Variants in ITK observed in about 807,000 individuals in gnomAD.
ITK encodes IL2 inducible T cell kinase.
A neutral mutation model predicts 87.6 loss-of-function variants in ITK; 45 were observed. The ratio of observed to expected loss-of-function variants is 0.51; its 90% CI spans 0.40 to 0.66. The LOEUF is 0.66. ITK is among the 30% of genes least tolerant of loss of function. The pLI is 0.00. For missense variants in ITK, 605 were observed against 766.3 expected, an observed-to-expected ratio of 0.79 and a Z score of 2.48; for synonymous variants, 303 against 273.6, an observed-to-expected ratio of 1.11 and a Z score of -1.06.
chr5:157,207,377 C>CTCTT (rs1754101416), intron 1 of ITK, among the ~76,000 whole-genome samples: 2 of 59,126 alleles, frequency 3.4e-5, no homozygotes, highest in African/African-American at 1.3e-4. Flanking sequence ...AGATACGTCT[C>CTCTT]TTTTTTTTTT....
chr5:157,189,703 A>AGAAGAGC (rs949403856), intron 1 of ITK, among the ~76,000 whole-genome samples: 44 of 152,346 alleles, frequency 2.9e-4, no homozygotes, highest in African/African-American at 7.9e-4. Flanking sequence ...AAGGAAAAGA[A>AGAAGAGC]GAAGAGCTCA....
Position 157,253,625 on chromosome 5 carries a change from T to C in ITK, c.*947T>C, listed in dbSNP as rs1010738640. ...CCAGCCTCTGGGAATCAGCCCCCCCTCTCTGCACTATCCGATCCTCATCAA... is the reference window on the plus strand; with the variant it reads ...CCAGCCTCTGGGAATCAGCCCCCCCCCTCTGCACTATCCGATCCTCATCAA... On this transcript the variant is annotated 3_prime_UTR_variant, in exon 17 of 17. Coordinates refer to ENST00000422843, the MANE Select transcript of ITK (RefSeq NM_005546.4). 2 of 227,710 alleles carry C rather than the reference T, an allele frequency of 8.8e-6. No individual in the cohort carries two copies. Among genetic ancestry groups the C allele is most frequent in the Non-Finnish European group, 8.7e-6 (1 of 114,612 alleles). The allele number at this position is 227,710 out of a possible 1,614,324, so 14.1% of individuals were successfully genotyped here.
chr5:157,183,024 C>T (rs1753568602), intron 1 of ITK, among the ~76,000 whole-genome samples: 1 of 152,146 alleles, frequency 6.6e-6, no homozygotes, highest in South Asian at 2.1e-4. Flanking sequence ...GTTTCTAATT[C>T]TTCCATGTGA....
chr5:157,247,382 A>T lies in ITK; in HGVS notation c.1633+1383A>T, dbSNP rs567266622. ...GATGACTCCCCTCTCCCCAGTGTGT[A>T]TAACTAGGAAGGTTGGGGCTGATGT... is the stretch of plus-strand genomic sequence containing the variant. On this transcript the variant is annotated intron_variant, in intron 15 of 16. Coordinates refer to ENST00000422843, the MANE Select transcript of ITK (RefSeq NM_005546.4). 2.0e-5 allele frequency among the ~76,000 whole-genome samples: 3 copies of T among 152,344 alleles called. No homozygotes were observed. In the South Asian group the frequency reaches 6.2e-4, roughly 32 times the overall value.
chr5:157,229,484 A>G (rs1228100429), intron 7 of ITK, among the ~76,000 whole-genome samples: 2 of 152,248 alleles, frequency 1.3e-5, no homozygotes. Context: ...ATTTACTTAT[A>G]AGGATATATT....
At chr5:157,188,337 A>G (rs1753686253) in intron 1 of ITK, among the ~76,000 whole-genome samples, 1 of 152,128 alleles carries the variant, frequency 6.6e-6, no homozygotes, top group Non-Finnish European at 1.5e-5. Flanking sequence ...TATTTAAATA[A>G]ATTCTCAACT....
At chr5:157,187,740 T>C (rs1753674342) in intron 1 of ITK, among the ~76,000 whole-genome samples, 1 of 152,146 alleles carries the variant, frequency 6.6e-6, no homozygotes, top group Non-Finnish European at 1.5e-5. Context: ...TTCTCCTTTT[T>C]CCTCTGCCTG....
In ITK at chr5:157,214,248, G is replaced by A. The variant is rs1754252232; in HGVS notation, c.383G>A (p.Gly128Glu). Residue 128 changes from glycine to glutamate, a missense_variant, in exon 4 of 17, where the codon GGG becomes GAG. Coordinates refer to ENST00000422843, the MANE Select transcript of ITK (RefSeq NM_005546.4). ...TATCATCCTAATTTCTGGATGGATGGGAAGTGGAGGTGCTGTTCTCAGCTG... is the reference window on the plus strand; with the variant it reads ...TATCATCCTAATTTCTGGATGGATGAGAAGTGGAGGTGCTGTTCTCAGCTG... ...PKYHPNFWMD[G>E]KWRCCSQLEK... The A allele has an allele frequency of 6.2e-7, 1 of 1,607,658 alleles. No homozygotes were observed. The highest frequency in any genetic ancestry group is 8.5e-7 in the Non-Finnish European group (1 of 1,174,080).
intron 9 of ITK, among the ~76,000 whole-genome samples, chr5:157,239,375 C>A (rs776706593): frequency 6.6e-6 from 1 of 152,182 alleles, no homozygotes; most frequent in Non-Finnish European, 1.5e-5. Context: ...TGTAACCACA[C>A]GTTAGCAGTC....
At chr5:157,227,822 CTTTTTTT>C (rs34428784) in intron 6 of ITK, among the ~76,000 whole-genome samples, 6 of 84,834 alleles carry the variant, frequency 7.1e-5, no homozygotes, top group East Asian at 2.9e-4. Context: ...TTACCAATTC[CTTTTTTT>C]TTTTTTTTTT....
At chr5:157,208,802 C>T (rs1754128953) in intron 1 of ITK, 87 bp from the exon 2 acceptor site, 1 of 924,252 alleles carries the variant, frequency 1.1e-6, no homozygotes, top group Non-Finnish European at 1.7e-6. Context: ...GCCAATGGAT[C>T]TTATCTAGCA....
intron 1 of ITK, among the ~76,000 whole-genome samples, chr5:157,205,091 T>C (rs757175730): frequency 1.3e-5 from 2 of 152,226 alleles, no homozygotes; most frequent in African/African-American, 2.4e-5. Flanking sequence ...AAGGCTTCCT[T>C]AACTTCTTTA....
intron 10 of ITK, chr5:157,240,608 G>C (rs1315286603): frequency 4.1e-6 from 1 of 243,644 alleles, no homozygotes; most frequent in African/African-American, 2.3e-5. Context: ...TTGGTCCATG[G>C]TTGTATAGGA....
intron 1 of ITK, among the ~76,000 whole-genome samples, chr5:157,202,197 G>T (rs1753989881): frequency 6.6e-6 from 1 of 151,898 alleles, no homozygotes; most frequent in Non-Finnish European, 1.5e-5. Context: ...CATGGTGTAT[G>T]TTTACCACAT....
At position 157,254,722 on chromosome 5, in the gene ITK, A is replaced by T. The variant is rs1755216615; in HGVS notation, c.*2044A>T. On this transcript the variant is annotated 3_prime_UTR_variant, in exon 17 of 17. Transcript: ENST00000422843. ...CTTTTGGGATCCTTAATTAGAGATG[A>T]TTTCTGGAACATTCAGTCTAGAAAG... The T allele has an allele frequency of 4.6e-6, 1 of 218,780 alleles. No individual in the cohort carries two copies. Among genetic ancestry groups the T allele is most frequent in the African/African-American group, 2.2e-5 (1 of 44,522 alleles). 13.6% of individuals were successfully genotyped at this position (218,780 alleles called of 1,614,324 possible).
At position 157,253,232 on chromosome 5, in the gene ITK, G is replaced by A. The variant is rs777364959; in HGVS notation, c.*554G>A. On this transcript the variant is annotated 3_prime_UTR_variant, in exon 17 of 17. Transcript: ENST00000422843. ...ATGCTGTCAGCCACAGCTTCCTGCCGTAGAGAATGATAGAGCAGCTGCTCA... is the reference window on the plus strand; with the variant it reads ...ATGCTGTCAGCCACAGCTTCCTGCCATAGAGAATGATAGAGCAGCTGCTCA... 4.4e-4 allele frequency: 110 copies of A among 252,386 alleles called. No individual in the cohort carries two copies. The highest frequency in any genetic ancestry group is 7.5e-4 in the Non-Finnish European group (95 of 127,316). The allele number at this position is 252,386 out of a possible 1,614,324, so 15.6% of individuals were successfully genotyped here.
intron 4 of ITK, among the ~76,000 whole-genome samples, chr5:157,214,891 C>G (rs1421581468): frequency 1.3e-5 from 2 of 152,120 alleles, no homozygotes. Context: ...TTGCCCTTGA[C>G]CTCCACAGTC....
At chr5:157,209,436 G>A (rs554723751) in intron 2 of ITK, among the ~76,000 whole-genome samples, 7 of 151,994 alleles carry the variant, frequency 4.6e-5, no homozygotes, top group South Asian at 2.1e-4. Context: ...ATTAGGAAAC[G>A]TATGTGTTCC....
At chr5:157,218,281 G>T (rs1195543673) in intron 5 of ITK, among the ~76,000 whole-genome samples, 1 of 152,064 alleles carries the variant, frequency 6.6e-6, no homozygotes, top group Non-Finnish European at 1.5e-5. Flanking sequence ...AAAGTGGGAG[G>T]ATCGCTTGAG....
Sources: allele counts gnomAD v4.1 joint callset (sites outside exome capture counted in the v4.1 genomes callset), GRCh38; gene constraint gnomAD v4.1.1; transcripts MANE v1.5; gene names NCBI Gene and HGNC (gene_info 2026-07-23, HGNC 2026-07-21).